Variants in DAB1 observed in about 807,000 individuals in gnomAD.
The protein encoded by DAB1 is disabled homolog 1.
A neutral mutation model predicts 64.6 loss-of-function variants in DAB1; 15 were observed. The ratio of observed to expected loss-of-function variants is 0.23; its 90% CI spans 0.16 to 0.36. The LOEUF is 0.36. Ranked by LOEUF, DAB1 falls within the 10% of genes least tolerant of loss-of-function variation. DAB1 has a pLI of 1.00. For synonymous variants in DAB1, 235 were observed against 251.9 expected (o/e 0.93, Z 0.64); for missense variants, 596 against 706.7 (o/e 0.84, Z 1.78).
At chr1:57,193,389 T>TTTTTG (rs1664327686) in intron 2 of DAB1, among the ~76,000 whole-genome samples, 1 of 133,308 alleles carries the variant, frequency 7.5e-6, no homozygotes, top group Non-Finnish European at 1.6e-5. Flanking sequence ...ATGTTTTTTT[T>TTTTTG]TTTTTTTTTT....
chr1:58,540,581 CTG>C (rs1466536111), intron 1 of DAB1, among the ~76,000 whole-genome samples: 1 of 148,988 alleles, frequency 6.7e-6, no homozygotes, highest in Non-Finnish European at 1.5e-5. Flanking sequence ...GACAAGAAAA[CTG>C]TAAGAACTAA....
At chr1:57,396,381 G>T (rs1377789939) in intron 1 of DAB1, among the ~76,000 whole-genome samples, 1 of 152,042 alleles carries the variant, frequency 6.6e-6, no homozygotes, top group African/African-American at 2.4e-5. Context: ...TTTTTGTTTT[G>T]TTTTGGTTAT....
chr1:57,921,233 G>C (rs920593158), intron 5 of DAB1, among the ~76,000 whole-genome samples: 2 of 152,144 alleles, frequency 1.3e-5, no homozygotes, highest in Non-Finnish European at 2.9e-5. Context: ...TATTAAAAAA[G>C]TGAATATAAT....
chr1:57,198,132 C>T (rs185429694), intron 2 of DAB1, among the ~76,000 whole-genome samples: 7 of 152,114 alleles, frequency 4.6e-5, no homozygotes, highest in African/African-American at 9.7e-5. Flanking sequence ...TATTAAAATA[C>T]GAACTGGAAA....
chr1:57,504,460 A>G (rs2691430), intron 7 of DAB1, among the ~76,000 whole-genome samples: 11,867 of 152,232 alleles, frequency 0.078, 1,444 homozygotes, highest in African/African-American at 0.26. Flanking sequence ...AAATATTGCA[A>G]CAATTTGAGA....
chr1:58,538,670 G>A, intron 1 of DAB1: 2 of 517,686 alleles, frequency 3.9e-6, no homozygotes, highest in Admixed American at 3.7e-5. Context: ...AGGGGATCTG[G>A]CAAGGTTTCT....
At chr1:57,678,762 T>TTTC (rs1553207653) in intron 6 of DAB1, among the ~76,000 whole-genome samples, 2 of 17,256 alleles carry the variant, frequency 1.2e-4, no homozygotes, top group African/African-American at 4.8e-4. Context: ...GAGGCAACTG[T>TTTC]TTTTTGTTTT....
At chr1:58,124,935 T>A (rs897633260) in intron 5 of DAB1, among the ~76,000 whole-genome samples, 1 of 152,162 alleles carries the variant, frequency 6.6e-6, no homozygotes, top group Non-Finnish European at 1.5e-5. Context: ...AACATGGCGT[T>A]AACAGATCTG....
chr1:57,175,433 G>A (rs1486510008), intron 2 of DAB1, among the ~76,000 whole-genome samples: 1 of 151,752 alleles, frequency 6.6e-6, no homozygotes, highest in Non-Finnish European at 1.5e-5. Context: ...GAACTCTGGG[G>A]GAGCCTTCCT....
intron 4 of DAB1, among the ~76,000 whole-genome samples, chr1:58,256,260 A>C (rs1275902455): frequency 6.6e-6 from 1 of 152,216 alleles, no homozygotes; most frequent in Non-Finnish European, 1.5e-5. Context: ...GATTGCAGTG[A>C]AGATGGATCC....
chr1:57,522,519 G>A lies in DAB1; in HGVS notation n.625+127073C>T, dbSNP rs546137009. Among the ~76,000 whole-genome samples the A allele has an allele frequency of 4.6e-5, 7 of 152,252 alleles. No individual in the cohort carries two copies. In the East Asian group the frequency reaches 1.4e-3, roughly 29 times the overall value. On this transcript the variant is annotated intron_variant and non_coding_transcript_variant, in intron 7 of 20. Transcript: ENST00000485760. ...GACTGGGTAATTTATAAAGAAAGAG[G>A]GGTTTAATGGACTCACAGTTCCACA...
chr1:58,424,874 G>A (rs1644806549), intron 3 of DAB1, among the ~76,000 whole-genome samples: 1 of 152,034 alleles, frequency 6.6e-6, no homozygotes, highest in African/African-American at 2.4e-5. Flanking sequence ...GTTTTGAGGA[G>A]CACTGAAAGG....
At chr1:58,514,135 C>T (rs746981197) in intron 2 of DAB1, among the ~76,000 whole-genome samples, 100 of 152,212 alleles carry the variant, frequency 6.6e-4, no homozygotes, top group Middle Eastern at 6.8e-3. Flanking sequence ...TTGCAAAATG[C>T]TATGTTTGGT....
intron 1 of DAB1, among the ~76,000 whole-genome samples, chr1:57,316,730 G>A (rs1395046971): frequency 2.0e-5 from 3 of 152,198 alleles, no homozygotes; most frequent in African/African-American, 7.2e-5. Flanking sequence ...CCTAGTTTCT[G>A]CTGGGAGCCA....
At chr1:57,721,342 T>G (rs920309588) in intron 6 of DAB1, among the ~76,000 whole-genome samples, 18 of 152,310 alleles carry the variant, frequency 1.2e-4, no homozygotes, top group African/African-American at 3.6e-4. Context: ...AGAACTTAAA[T>G]AAATTCAGAA....
At chr1:57,999,069 T>C (rs761295615) in intron 5 of DAB1, among the ~76,000 whole-genome samples, 2 of 152,218 alleles carry the variant, frequency 1.3e-5, no homozygotes, top group Non-Finnish European at 2.9e-5. Flanking sequence ...TGTGAATATA[T>C]CCATATACAT....
chr1:57,291,061 A>T lies in DAB1; in HGVS notation c.-31T>A. 1 of 1,546,284 alleles carries T rather than the reference A, an allele frequency of 6.5e-7. No individual in the cohort carries two copies. Among genetic ancestry groups the T allele is most frequent in the Non-Finnish European group, 8.8e-7 (1 of 1,133,928 alleles). On this transcript the variant is annotated 5_prime_UTR_variant, in exon 2 of 15. Transcript: ENST00000371236. ...TTAATCCTTAGTCCACTTCACACAG[A>T]TCCCGGGCCTCGGCCAGGCTCATTG... is the stretch of plus-strand genomic sequence containing the variant.
At chr1:57,144,708 A>G (rs1428177334) in intron 3 of DAB1, among the ~76,000 whole-genome samples, 6 of 140,740 alleles carry the variant, frequency 4.3e-5, no homozygotes, top group Admixed American at 6.8e-5. Context: ...AAAAAAAAAG[A>G]AAAAAAAAAT....
intron 3 of DAB1, among the ~76,000 whole-genome samples, chr1:58,380,405 C>T (rs963149355): frequency 2.0e-5 from 3 of 152,196 alleles, no homozygotes; most frequent in Non-Finnish European, 2.9e-5. Flanking sequence ...CCCAGCCATG[C>T]GGAACTGTGA....
Sources: gnomAD v4.1 joint callset for allele counts (sites outside exome capture counted in the v4.1 genomes callset) on GRCh38, gnomAD v4.1.1 for gene constraint, MANE v1.5 for transcripts, NCBI Gene and HGNC (gene_info 2026-07-23, HGNC 2026-07-21) for gene names.